Variants in FMNL2 observed in about 807,000 individuals in gnomAD.
The protein encoded by FMNL2 is formin like 2, also known as formin-like protein 2.
FMNL2 carries 51 observed loss-of-function variants against 130.2 expected under a neutral mutation model. The ratio of observed to expected loss-of-function variants is 0.39; its 90% CI spans 0.31 to 0.49. FMNL2 has a LOEUF of 0.49. Among genes scored for constraint, FMNL2 ranks in the 20% least tolerant of loss-of-function variants. FMNL2 has a pLI of 0.85. For missense variants in FMNL2, 977 were observed against 1,316.2 expected (o/e 0.74, Z 3.99); for synonymous variants, 465 against 467.1 (o/e 1.00, Z 0.06).
chr2:152,622,895 A>G (rs1209808495), intron 15 of FMNL2, among the ~76,000 whole-genome samples: 1 of 150,188 alleles, frequency 6.7e-6, no homozygotes, highest in African/African-American at 2.5e-5. Flanking sequence ...AAAAGGTGCC[A>G]GGTGCCCCTT....
At chr2:152,415,746 G>C (rs1303724593) in intron 1 of FMNL2, among the ~76,000 whole-genome samples, 1 of 152,218 alleles carries the variant, frequency 6.6e-6, no homozygotes, top group African/African-American at 2.4e-5. Context: ...TCAGAGGAGA[G>C]ATAGTGCCGC....
rs115198209 is a variant in FMNL2, at chr2:152,411,344, C to A, written c.117+75624C>A. ...GAAGTGGTGTGTATTCTACATACCA[C>A]CAGTGGGAGGAAGAATGCTGAAAAA... On this transcript the variant is annotated intron_variant, in intron 1 of 25. Transcript: ENST00000288670. Among the ~76,000 whole-genome samples, 999 of 152,134 alleles carry A rather than the reference C, an allele frequency of 6.6e-3. 12 individuals are homozygous for A. The highest frequency in any genetic ancestry group is 0.023 in the African/African-American group (968 of 41,506).
intron 2 of FMNL2, among the ~76,000 whole-genome samples, chr2:152,524,602 T>C (rs1167669898): frequency 6.6e-6 from 1 of 152,168 alleles, no homozygotes; most frequent in Non-Finnish European, 1.5e-5. Flanking sequence ...GCTAGAAATG[T>C]CAGGTTTCTT....
At chr2:152,405,769 C>T (rs1488883359) in intron 1 of FMNL2, among the ~76,000 whole-genome samples, 11 of 152,120 alleles carry the variant, frequency 7.2e-5, no homozygotes, top group African/African-American at 2.7e-4. Context: ...TCTCCTGATT[C>T]CTGGTTCTGG....
chr2:152,438,802 TA>T (rs952106859), intron 1 of FMNL2, among the ~76,000 whole-genome samples: 6 of 152,170 alleles, frequency 3.9e-5, no homozygotes, highest in African/African-American at 1.4e-4. Context: ...ATGCCATTTT[TA>T]ATCACTTGTA....
intron 21 of FMNL2, among the ~76,000 whole-genome samples, chr2:152,635,642 T>C (rs960782110): frequency 1.3e-5 from 2 of 152,108 alleles, no homozygotes; most frequent in African/African-American, 2.4e-5. Context: ...ACGTGCAGAG[T>C]TGAGTCAGGC....
Position 152,480,946 on chromosome 2 carries a change from G to C in FMNL2, c.118-40997G>C, listed in dbSNP as rs549392131. 3.2e-3 allele frequency among the ~76,000 whole-genome samples: 491 copies of C among 152,214 alleles called. 2 individuals carry two copies. The highest frequency in any genetic ancestry group is 0.011 in the African/African-American group (471 of 41,512). On this transcript the variant is annotated intron_variant, in intron 1 of 25. Transcript: ENST00000288670. Reference sequence around the variant, plus strand: ...CTAAGAACAAAATTTTGGCCTCTCTGTTAGGCATAATTTCAGAGTCTCTCT... The same window carrying C: ...CTAAGAACAAAATTTTGGCCTCTCTCTTAGGCATAATTTCAGAGTCTCTCT...
intron 25 of FMNL2, chr2:152,643,634 A>G (rs1580171358): frequency 1.3e-6 from 2 of 1,485,230 alleles, no homozygotes; most frequent in East Asian, 5.0e-5. Context: ...CATCTCCATC[A>G]TGTTATATTT....
chr2:152,611,438 A>C (rs1331211814), intron 10 of FMNL2, 57 bp from the exon 11 acceptor site: 2 of 883,000 alleles, frequency 2.3e-6, no homozygotes, highest in Non-Finnish European at 3.6e-6. Flanking sequence ...ACATGTCTGC[A>C]GTTAAACTGA....
intron 25 of FMNL2, among the ~76,000 whole-genome samples, chr2:152,644,672 T>C (rs148450340): frequency 7.9e-5 from 12 of 152,324 alleles, no homozygotes; most frequent in Non-Finnish European, 1.5e-5. Flanking sequence ...CACTGTCTTA[T>C]CTCATTCACG....
intron 9 of FMNL2, among the ~76,000 whole-genome samples, chr2:152,592,470 A>G (rs1697492379): frequency 6.6e-6 from 1 of 152,192 alleles, no homozygotes; most frequent in Non-Finnish European, 1.5e-5. Flanking sequence ...TTAAACCAGC[A>G]ATTCTCTTCA....
intron 1 of FMNL2, among the ~76,000 whole-genome samples, chr2:152,453,702 T>G (rs1411125188): frequency 1.3e-5 from 2 of 152,222 alleles, no homozygotes; most frequent in East Asian, 3.8e-4. Context: ...GGTTATTGAC[T>G]AATTTAGATT....
At chr2:152,541,410 A>G (rs1485061205) in intron 2 of FMNL2, among the ~76,000 whole-genome samples, 1 of 152,100 alleles carries the variant, frequency 6.6e-6, no homozygotes, top group Non-Finnish European at 1.5e-5. Flanking sequence ...TTTCCTTTAG[A>G]GCTGATTTAA....
At chr2:152,620,484 T>A (rs1173553391) in intron 15 of FMNL2, among the ~76,000 whole-genome samples, 1 of 152,180 alleles carries the variant, frequency 6.6e-6, no homozygotes, top group African/African-American at 2.4e-5. Context: ...TTCTCAGTCC[T>A]GAAGTGTTTC....
chr2:152,533,307 A>G (rs895409804), intron 2 of FMNL2, among the ~76,000 whole-genome samples: 1 of 152,134 alleles, frequency 6.6e-6, no homozygotes, highest in Non-Finnish European at 1.5e-5. Context: ...CTATCCATCC[A>G]TCCATGTATG....
intron 1 of FMNL2, chr2:152,390,243 A>G (rs1579549955): frequency 6.9e-7 from 1 of 1,453,180 alleles, no homozygotes; most frequent in East Asian, 2.3e-5. Flanking sequence ...GGTGGTGGAC[A>G]TCCAGGGGCA....
intron 1 of FMNL2, among the ~76,000 whole-genome samples, chr2:152,353,679 T>C (rs1321622180): frequency 6.6e-6 from 1 of 152,204 alleles, no homozygotes; most frequent in Non-Finnish European, 1.5e-5. Context: ...TGACTTGTTA[T>C]GGATATTAAG....
intron 1 of FMNL2, among the ~76,000 whole-genome samples, chr2:152,454,495 T>G (rs1302694521): frequency 7.2e-5 from 11 of 152,272 alleles, no homozygotes. Context: ...ATGTTTCACT[T>G]GTGAAAGAAC....
At chr2:152,454,199 T>A (rs928055564) in intron 1 of FMNL2, among the ~76,000 whole-genome samples, 4 of 152,112 alleles carry the variant, frequency 2.6e-5, no homozygotes, top group African/African-American at 9.7e-5. Flanking sequence ...ATCACTTGAA[T>A]TTGGGAGGCA....
Sources: allele counts gnomAD v4.1 joint callset (sites outside exome capture counted in the v4.1 genomes callset), GRCh38; gene constraint gnomAD v4.1.1; transcripts MANE v1.5; gene names NCBI Gene and HGNC (gene_info 2026-07-23, HGNC 2026-07-21).